Variants in PPP1R8 observed in about 807,000 individuals in gnomAD.
PPP1R8 encodes the protein nuclear inhibitor of protein phosphatase 1.
Under a neutral mutation model 31.3 loss-of-function variants are expected in PPP1R8, and 4 were observed. The ratio of observed to expected loss-of-function variants is 0.13; its 90% CI spans 0.06 to 0.29. The LOEUF (loss-of-function observed/expected upper bound fraction) is 0.29, where lower values mean the gene tolerates loss of function less well. Ranked by LOEUF, PPP1R8 falls within the 10% of genes least tolerant of loss-of-function variation. The pLI is 1.00. For synonymous variants in PPP1R8, 170 were observed against 169.7 expected (o/e 1.00, Z -0.01); for missense variants, 254 against 440.1 (o/e 0.58, Z 3.78).
At chr1:27,849,425 T>TC (rs1216755611) in intron 6 of PPP1R8, among the ~76,000 whole-genome samples, 1 of 151,770 alleles carries the variant, frequency 6.6e-6, no homozygotes, top group Non-Finnish European at 1.5e-5. Context: ...CCACATTTTT[T>TC]CCCCCTCAAA....
chr1:27,837,189 T>C (rs1013975838), intron 2 of PPP1R8, among the ~76,000 whole-genome samples: 4 of 152,140 alleles, frequency 2.6e-5, no homozygotes, highest in African/African-American at 9.7e-5. Context: ...CCCAGCACTT[T>C]GGGAGTCTGA....
chr1:27,838,903 A>C, intron 3 of PPP1R8, 51 bp downstream of exon 3: 1 of 1,404,382 alleles, frequency 7.1e-7, no homozygotes, highest in South Asian at 1.6e-5. Flanking sequence ...ATATGAAAAT[A>C]CTCTTTGGGT....
chr1:27,841,341 C>G, intron 4 of PPP1R8, 107 bp downstream of exon 4: 4 of 1,186,512 alleles, frequency 3.4e-6, no homozygotes, highest in South Asian at 3.0e-5. Context: ...GCAGGGGGTT[C>G]TCTTGAGTCC....
chr1:27,843,100 C>A, intron 4 of PPP1R8, 86 bp from the exon 5 acceptor site: 1 of 1,522,168 alleles, frequency 6.6e-7, no homozygotes, highest in Non-Finnish European at 9.0e-7. Context: ...GCCCCTCATG[C>A]CTTCCTCACC....
At chr1:27,843,104 C>T (rs939995391) in intron 4 of PPP1R8, 82 bp from the exon 5 acceptor site, 1 of 1,548,348 alleles carries the variant, frequency 6.5e-7, no homozygotes, top group African/African-American at 1.4e-5. Flanking sequence ...CTCATGCCTT[C>T]CTCACCTTTA....
chr1:27,842,272 G>A (rs948508999), intron 4 of PPP1R8, among the ~76,000 whole-genome samples: 1 of 151,662 alleles, frequency 6.6e-6, no homozygotes, highest in African/African-American at 2.4e-5. Context: ...CACCTGGGAG[G>A]TGGAGGTTGT....
At chr1:27,831,201 C>T (rs976895956) in intron 1 of PPP1R8, 4 of 1,139,840 alleles carry the variant, frequency 3.5e-6, no homozygotes, top group Non-Finnish European at 4.3e-6. Context: ...CAACTCTTGA[C>T]TGAGTGCCTG....
chr1:27,841,340 T>G, intron 4 of PPP1R8, 106 bp downstream of exon 4: 1 of 1,200,144 alleles, frequency 8.3e-7, no homozygotes, highest in Admixed American at 2.3e-5. Context: ...AGCAGGGGGT[T>G]CTCTTGAGTC....
At chr1:27,835,081 C>A (rs1231842335) in intron 2 of PPP1R8, among the ~76,000 whole-genome samples, 1 of 152,052 alleles carries the variant, frequency 6.6e-6, no homozygotes, top group Non-Finnish European at 1.5e-5. Flanking sequence ...TGAATGTGTA[C>A]ATTTAATTTG....
intron 5 of PPP1R8, among the ~76,000 whole-genome samples, chr1:27,846,176 ATTAAG>A (rs796421301): frequency 5.0e-4 from 76 of 152,322 alleles, no homozygotes; most frequent in African/African-American, 1.8e-3. Context: ...CTATCACTAT[ATTAAG>A]TTAACTGGGG....
intron 5 of PPP1R8, among the ~76,000 whole-genome samples, chr1:27,844,360 G>A (rs2089251919): frequency 1.3e-5 from 2 of 150,964 alleles, no homozygotes; most frequent in East Asian, 2.0e-4. Flanking sequence ...ACGGAGTCTC[G>A]TTCTGTCACC....
intron 1 of PPP1R8, chr1:27,831,391 C>A: frequency 1.0e-6 from 1 of 982,972 alleles, no homozygotes; most frequent in Non-Finnish European, 1.2e-6. Flanking sequence ...TCCCTGCCCT[C>A]AGGGAGCTCC....
intron 6 of PPP1R8, among the ~76,000 whole-genome samples, chr1:27,849,839 C>T: frequency 6.6e-6 from 1 of 152,132 alleles, no homozygotes; most frequent in Non-Finnish European, 1.5e-5. Flanking sequence ...CCATCCTTGG[C>T]TGATGTAGGA....
chr1:27,843,037 T>C (rs1266205512), intron 4 of PPP1R8, 149 bp from the exon 5 acceptor site: 1 of 857,878 alleles, frequency 1.2e-6, no homozygotes, highest in Non-Finnish European at 1.8e-6. Context: ...CGGGACAGTA[T>C]GAATCTTCTC....
intron 2 of PPP1R8, among the ~76,000 whole-genome samples, 170 bp downstream of exon 2, chr1:27,832,986 A>C (rs570907324): frequency 6.6e-6 from 1 of 152,050 alleles, no homozygotes; most frequent in South Asian, 2.1e-4. Flanking sequence ...TTTAAAGCTT[A>C]TGTCTACCAC....
chr1:27,849,972 G>A (rs1045010259), intron 6 of PPP1R8, 121 bp from the exon 7 acceptor site: 3 of 869,886 alleles, frequency 3.4e-6, no homozygotes, highest in Non-Finnish European at 5.4e-6. Flanking sequence ...CAGGCTAGAA[G>A]TTAGGAATCT....
intron 5 of PPP1R8, among the ~76,000 whole-genome samples, chr1:27,844,884 A>ATTTTT (rs765514573): frequency 0.012 from 849 of 72,370 alleles, 169 homozygotes; most frequent in African/African-American, 0.081. Context: ...TGCCCGACTA[A>ATTTTT]TTTTTTTTTT....
rs1235640279 is a variant in PPP1R8, at chr1:27,845,401, A to G, written c.638-1627A>G. ...CAAGACTCCGTTTCAAAAAAAAAAAAGAAAGAAAGAAAATTAGTGCCCTCG... is the reference window on the plus strand; with the variant it reads ...CAAGACTCCGTTTCAAAAAAAAAAAGGAAAGAAAGAAAATTAGTGCCCTCG... On this transcript the variant is annotated intron_variant, in intron 5 of 6. Coordinates refer to ENST00000311772, the MANE Select transcript of PPP1R8 (RefSeq NM_014110.5). Among the ~76,000 whole-genome samples, 5 of 150,992 alleles carry G rather than the reference A, an allele frequency of 3.3e-5. 1 individual carries two copies. In the East Asian group the frequency reaches 5.9e-4, roughly 18 times the overall value.
intron 2 of PPP1R8, among the ~76,000 whole-genome samples, chr1:27,836,064 A>G (rs1229263254): frequency 1.3e-5 from 2 of 152,226 alleles, no homozygotes. Context: ...TTAGCCAGGA[A>G]TGAAATATAA....
Sources: gnomAD v4.1 joint callset for allele counts (sites outside exome capture counted in the v4.1 genomes callset) on GRCh38, gnomAD v4.1.1 for gene constraint, MANE v1.5 for transcripts, NCBI Gene and HGNC (gene_info 2026-07-23, HGNC 2026-07-21) for gene names.